Variants in LARGE1 observed in about 807,000 individuals in gnomAD.
The protein encoded by LARGE1 is LARGE xylosyl- and glucuronyltransferase 1, also known as xylosyl- and glucuronyltransferase LARGE1.
Under a neutral mutation model 87.6 loss-of-function variants are expected in LARGE1, and 43 were observed. The observed-to-expected ratio is 0.49, with a 90% confidence interval of 0.38 to 0.63. LARGE1 has a LOEUF of 0.63. Among genes scored for constraint, LARGE1 ranks in the 30% least tolerant of loss-of-function variants. The pLI is 0.00. For synonymous variants in LARGE1, 434 were observed against 394.6 expected, an observed-to-expected ratio of 1.10 and a Z score of -1.18; for missense variants, 802 against 1,000.2, an observed-to-expected ratio of 0.80 and a Z score of 2.67.
intron 2 of LARGE1, among the ~76,000 whole-genome samples, chr22:33,680,660 C>T (rs750952847): frequency 9.9e-5 from 15 of 152,042 alleles, no homozygotes; most frequent in Non-Finnish European, 1.8e-4. Flanking sequence ...GGGTGAAGGC[C>T]GCCCATGAGT....
intron 2 of LARGE1, among the ~76,000 whole-genome samples, chr22:33,677,124 G>A (rs2081605770): frequency 6.6e-6 from 1 of 151,970 alleles, no homozygotes; most frequent in African/African-American, 2.4e-5. Flanking sequence ...TAGAACCCAG[G>A]TGTGTTGATG....
At chr22:33,554,036 C>T (rs773235114) in intron 6 of LARGE1, among the ~76,000 whole-genome samples, 7 of 152,154 alleles carry the variant, frequency 4.6e-5, no homozygotes, top group Non-Finnish European at 7.3e-5. Flanking sequence ...GACTTTTCAA[C>T]GCAGCGGCAG....
chr22:33,503,828 A>AAAAAC (rs1213985919), intron 6 of LARGE1, among the ~76,000 whole-genome samples: 5 of 152,040 alleles, frequency 3.3e-5, no homozygotes, highest in Admixed American at 6.6e-5. Context: ...AAAAACACCA[A>AAAAAC]AAAACAAAAC....
At chr22:33,640,756 C>T (rs888237401) in intron 3 of LARGE1, among the ~76,000 whole-genome samples, 6 of 152,134 alleles carry the variant, frequency 3.9e-5, no homozygotes, top group South Asian at 2.1e-4. Flanking sequence ...GAGAAAGGGG[C>T]GTCCACCATA....
At chr22:33,134,775 T>C in the LARGE1 span, among the ~76,000 whole-genome samples, 1 of 152,188 alleles carries the variant, frequency 6.6e-6, no homozygotes, top group Non-Finnish European at 1.5e-5. Flanking sequence ...GTCATCCTTC[T>C]CCTAGGCTCA....
chr22:33,879,537 C>T (rs199546525), intron 1 of LARGE1, among the ~76,000 whole-genome samples: 77 of 152,298 alleles, frequency 5.1e-4, no homozygotes, highest in African/African-American at 1.8e-3. Flanking sequence ...GCAAATCCAC[C>T]CTTCATTTTA....
At chr22:33,692,600 C>T (rs185516751) in intron 2 of LARGE1, among the ~76,000 whole-genome samples, 57 of 152,324 alleles carry the variant, frequency 3.7e-4, no homozygotes, top group African/African-American at 1.4e-3. Context: ...CGTGAGCCAC[C>T]GCGCCCGGCC....
At chr22:33,862,441 G>T (rs893010949) in intron 1 of LARGE1, among the ~76,000 whole-genome samples, 1 of 152,062 alleles carries the variant, frequency 6.6e-6, no homozygotes, top group African/African-American at 2.4e-5. Context: ...GACGGCAGTC[G>T]CTGAGCAAAG....
intron 6 of LARGE1, among the ~76,000 whole-genome samples, chr22:33,505,927 T>C (rs777699242): frequency 4.6e-5 from 7 of 152,142 alleles, no homozygotes; most frequent in African/African-American, 9.7e-5. Context: ...AAGCACCACA[T>C]AGTTTGTATT....
chr22:33,789,579 A>T (rs2085758371), intron 1 of LARGE1, among the ~76,000 whole-genome samples: 2 of 152,196 alleles, frequency 1.3e-5, no homozygotes, highest in Non-Finnish European at 2.9e-5. Context: ...CTGTGAAAGC[A>T]GCCAGGATGG....
At chr22:33,569,513 A>G (rs1172275333) in intron 5 of LARGE1, among the ~76,000 whole-genome samples, 2 of 152,242 alleles carry the variant, frequency 1.3e-5, no homozygotes, top group African/African-American at 4.8e-5. Flanking sequence ...TTGTATTCAG[A>G]AAGAAAGCCC....
intron 1 of LARGE1, among the ~76,000 whole-genome samples, chr22:33,843,425 A>G (rs2063337422): frequency 6.6e-6 from 1 of 150,998 alleles, no homozygotes; most frequent in Non-Finnish European, 1.5e-5. Flanking sequence ...GGATAGAGCA[A>G]GACTCCCTCT....
chr22:33,077,803 G>C, the LARGE1 span, among the ~76,000 whole-genome samples: 2 of 152,132 alleles, frequency 1.3e-5, no homozygotes, highest in Non-Finnish European at 2.9e-5. Flanking sequence ...TGACGGTGCA[G>C]TTTAAGGTTC....
At chr22:33,697,063 C>T (rs564666402) in intron 2 of LARGE1, among the ~76,000 whole-genome samples, 102 of 152,198 alleles carry the variant, frequency 6.7e-4, no homozygotes, top group African/African-American at 2.3e-3. Context: ...TTCCACCAAG[C>T]AGACACACCT....
the LARGE1 span, among the ~76,000 whole-genome samples, chr22:33,076,970 A>G: frequency 5.3e-5 from 8 of 152,246 alleles, no homozygotes; most frequent in Admixed American, 4.6e-4. Flanking sequence ...CAGGGTTCCT[A>G]TCAGGGTTGT....
At chr22:33,350,567 C>A (rs750763951) in intron 9 of LARGE1, among the ~76,000 whole-genome samples, 19 of 152,166 alleles carry the variant, frequency 1.2e-4, no homozygotes, top group Non-Finnish European at 4.4e-5. Context: ...GGTGGAGGAG[C>A]AGCTGGCTTG....
intron 10 of LARGE1, among the ~76,000 whole-genome samples, chr22:33,319,454 G>A (rs1220844326): frequency 6.6e-6 from 1 of 152,124 alleles, no homozygotes; most frequent in African/African-American, 2.4e-5. Flanking sequence ...GGAGTGCAGT[G>A]ACGCGATCTC....
chr22:33,485,964 C>T (rs558446423), intron 6 of LARGE1, among the ~76,000 whole-genome samples: 7 of 152,334 alleles, frequency 4.6e-5, no homozygotes, highest in South Asian at 2.1e-4. Flanking sequence ...GGGATACATA[C>T]GCCCTGATTA....
intron 1 of LARGE1, among the ~76,000 whole-genome samples, chr22:33,765,532 G>A (rs896585720): frequency 6.6e-6 from 1 of 151,516 alleles, no homozygotes; most frequent in Non-Finnish European, 1.5e-5. Context: ...AGTGAAACCC[G>A]GTCTCTACTA....
Sources: allele counts gnomAD v4.1 joint callset (sites outside exome capture counted in the v4.1 genomes callset), GRCh38; gene constraint gnomAD v4.1.1; transcripts MANE v1.5; gene names NCBI Gene and HGNC (gene_info 2026-07-23, HGNC 2026-07-21).